PHF21B: variants seen among roughly 807,000 people sequenced by gnomAD.
PHF21B encodes the protein PHD finger protein 21B.
In PHF21B, 22 loss-of-function variants were observed where a neutral mutation model predicts 62.2. The ratio of observed to expected loss-of-function variants is 0.35; its 90% confidence interval spans 0.25 to 0.51. The LOEUF is 0.51. PHF21B is among the 20% of genes least tolerant of loss of function. PHF21B has a pLI of 0.97. For synonymous variants in PHF21B, 341 were observed against 314.7 expected (o/e 1.08, Z -0.88); for missense variants, 701 against 707.9 (o/e 0.99, Z 0.11).
At chr22:44,922,990 T>C (rs1171134941) in intron 2 of PHF21B, among the ~76,000 whole-genome samples, 2 of 152,070 alleles carry the variant, frequency 1.3e-5, no homozygotes, top group African/African-American at 4.8e-5. Flanking sequence ...AGAATGCATA[T>C]GAAATTATAA....
intron 5 of PHF21B, among the ~76,000 whole-genome samples, chr22:44,902,908 G>A (rs1325647954): frequency 6.6e-6 from 1 of 152,230 alleles, no homozygotes; most frequent in African/African-American, 2.4e-5. Flanking sequence ...GTGGGAAAGG[G>A]ATTACATTAG....
At chr22:44,927,627 G>T (rs2071658014) in intron 2 of PHF21B, among the ~76,000 whole-genome samples, 1 of 152,184 alleles carries the variant, frequency 6.6e-6, no homozygotes, top group South Asian at 2.1e-4. Flanking sequence ...GCTAGCTTCA[G>T]GCTCTCCAAT....
At chr22:45,008,870 G>A (rs1774881872) in intron 1 of PHF21B, 7 of 1,176,762 alleles carry the variant, frequency 5.9e-6, no homozygotes, top group Non-Finnish European at 6.3e-6. Context: ...GCCCCGAGCC[G>A]TGCAAGTTTG....
chr22:44,906,872 G>T (rs1183156786), intron 5 of PHF21B, among the ~76,000 whole-genome samples: 1 of 152,124 alleles, frequency 6.6e-6, no homozygotes, highest in East Asian at 1.9e-4. Flanking sequence ...CCACCGCCCT[G>T]CAGTGGACAC....
chr22:44,923,134 T>A (rs1459428824), intron 2 of PHF21B, among the ~76,000 whole-genome samples: 1 of 152,182 alleles, frequency 6.6e-6, no homozygotes, highest in East Asian at 1.9e-4. Context: ...GGTGTTAAGA[T>A]GCATAAATAG....
chr22:44,946,697 C>T (rs1041319815), intron 2 of PHF21B, among the ~76,000 whole-genome samples: 12 of 152,118 alleles, frequency 7.9e-5, no homozygotes, highest in African/African-American at 2.9e-4. Context: ...GAAGACTCTC[C>T]TGCCTCATGT....
chr22:44,898,159 T>G (rs2071092234), intron 5 of PHF21B, among the ~76,000 whole-genome samples: 1 of 152,160 alleles, frequency 6.6e-6, no homozygotes, highest in Admixed American at 6.5e-5. Flanking sequence ...CATGCCTCCT[T>G]ACACTCTTCT....
At chr22:44,995,732 C>T (rs913526801) in intron 2 of PHF21B, among the ~76,000 whole-genome samples, 4 of 152,062 alleles carry the variant, frequency 2.6e-5, no homozygotes, top group Non-Finnish European at 4.4e-5. Flanking sequence ...CGGCACCTTC[C>T]GAGATGTTGA....
At chr22:44,976,265 TC>T (rs1261528116) in intron 2 of PHF21B, among the ~76,000 whole-genome samples, 2 of 152,246 alleles carry the variant, frequency 1.3e-5, no homozygotes, top group African/African-American at 4.8e-5. Flanking sequence ...AATCATCAAA[TC>T]AAGGTATTTA....
intron 2 of PHF21B, among the ~76,000 whole-genome samples, chr22:44,944,057 C>A (rs2072015424): frequency 1.3e-5 from 2 of 152,206 alleles, no homozygotes; most frequent in African/African-American, 4.8e-5. Flanking sequence ...CCTCCTCTAC[C>A]CTCCTGCTGC....
At chr22:44,909,893 T>C (rs954891634) in intron 5 of PHF21B, among the ~76,000 whole-genome samples, 1 of 152,230 alleles carries the variant, frequency 6.6e-6, no homozygotes, top group African/African-American at 2.4e-5. Flanking sequence ...CCTCATCTCC[T>C]GTAGCCCTTC....
chr22:44,884,665 GCACCATCAC>G (rs1015552781), intron 12 of PHF21B, among the ~76,000 whole-genome samples: 1 of 43,710 alleles, frequency 2.3e-5, no homozygotes, highest in African/African-American at 9.5e-5. Context: ...ACTGTGGTCT[GCACCATCAC>G]CATCATCACC....
intron 2 of PHF21B, among the ~76,000 whole-genome samples, chr22:44,937,328 G>C (rs146089831): frequency 3.3e-5 from 5 of 152,202 alleles, no homozygotes; most frequent in African/African-American, 7.2e-5. Flanking sequence ...AGCCTCAAAG[G>C]CTGGGCAGAG....
rs754479743 is a variant in PHF21B, at chr22:44,883,240, C to T, written c.1442G>A (p.Arg481His). 1.3e-5 allele frequency: 21 copies of T among 1,613,814 alleles called. No individual in the cohort carries two copies. Among genetic ancestry groups the T allele is most frequent in the Admixed American group, 1.2e-4 (7 of 60,000 alleles). ...RQRGTQSSLD[R>H]LRALLRLIQG... ...TATCAGTCTCAGGAGGGCCCGCAGG[C>T]GGTCCAGGGATGACTGGGTGCCCCT... The change falls in exon 13 of 13, where the codon CGC (arginine) becomes CAC (histidine). Residue 481 changes from arginine (R) to histidine (H), a missense_variant. Physicochemically the swap from Arg to His is conservative, Grantham distance 29. Coordinates refer to ENST00000313237, the MANE Select transcript of PHF21B (RefSeq NM_138415.5).
At chr22:44,945,869 C>T (rs1010336119) in intron 2 of PHF21B, among the ~76,000 whole-genome samples, 7 of 152,158 alleles carry the variant, frequency 4.6e-5, no homozygotes, top group African/African-American at 1.4e-4. Flanking sequence ...CCTCAGGCCC[C>T]AGGCAGTGAG....
At chr22:44,941,860 G>A (rs1379287092) in intron 2 of PHF21B, among the ~76,000 whole-genome samples, 1 of 152,170 alleles carries the variant, frequency 6.6e-6, no homozygotes, top group Non-Finnish European at 1.5e-5. Flanking sequence ...CCCACCCCAG[G>A]TACAGGGGAC....
intron 2 of PHF21B, among the ~76,000 whole-genome samples, chr22:45,005,054 G>C (rs1437276206): frequency 1.3e-5 from 2 of 152,250 alleles, no homozygotes; most frequent in Non-Finnish European, 1.5e-5. Context: ...TAAATGCTGT[G>C]CTCGGAACTC....
chr22:44,932,724 C>T (rs989020877), intron 2 of PHF21B, among the ~76,000 whole-genome samples: 7 of 152,252 alleles, frequency 4.6e-5, no homozygotes, highest in East Asian at 1.9e-4. Flanking sequence ...ATGCCGATGA[C>T]GGCCCAGCAG....
At chr22:44,887,585 C>A (rs192543240) in intron 10 of PHF21B, among the ~76,000 whole-genome samples, 2 of 151,728 alleles carry the variant, frequency 1.3e-5, no homozygotes, top group East Asian at 3.9e-4. Flanking sequence ...TGAAACCCCC[C>A]ATCTACTAAA....
Sources: allele counts gnomAD v4.1 joint callset (sites outside exome capture counted in the v4.1 genomes callset), GRCh38; gene constraint gnomAD v4.1.1; transcripts MANE v1.5; gene names NCBI Gene and HGNC (gene_info 2026-07-23, HGNC 2026-07-21).